The following BIRC6 variants were observed in gnomAD, a reference collection of about 807,000 sequenced individuals.
BIRC6 encodes the protein dual E2 ubiquitin-conjugating enzyme/E3 ubiquitin-protein ligase BIRC6.
A neutral mutation model predicts 503.3 loss-of-function variants in BIRC6; 98 were observed. The ratio of observed to expected loss-of-function variants is 0.19; its 90% CI spans 0.17 to 0.23. BIRC6 has a LOEUF of 0.23. Ranked by LOEUF, BIRC6 falls within the 10% of genes least tolerant of loss-of-function variation. The probability of loss-of-function intolerance (pLI) is 1.00; values close to 1 mark genes in which losing one functional copy is unlikely to be tolerated. For missense variants in BIRC6, 5,360 were observed against 5,806.0 expected, an observed-to-expected ratio of 0.92 and a Z score of 2.50; for synonymous variants, 2,240 against 2,078.7, an observed-to-expected ratio of 1.08 and a Z score of -2.11.
chr2:32,598,726 T>A (rs2061840471), intron 69 of BIRC6, among the ~76,000 whole-genome samples: 1 of 152,126 alleles, frequency 6.6e-6, no homozygotes, highest in Admixed American at 6.6e-5. Flanking sequence ...TTTTATTTGT[T>A]TGCTTGCTTC....
intron 16 of BIRC6, 128 bp from the exon 17 acceptor site, chr2:32,441,201 C>A: frequency 1.4e-6 from 1 of 692,034 alleles, no homozygotes; most frequent in East Asian, 2.8e-5. Flanking sequence ...TACAAGCTAT[C>A]ATTTTAACTT....
rs1300680834 is a variant in BIRC6 at position 32,467,747 on chromosome 2, A to G, written c.5571+8A>G. On this transcript the variant is annotated splice_region_variant and intron_variant, in intron 27 of 73. Coordinates refer to ENST00000421745, the MANE Select transcript of BIRC6 (RefSeq NM_016252.4). ...GTGTGCAGATTCATGAAGGTAAAGAACTTTAAGAAAGTAAATTGATACGCT... is the reference window on the plus strand; with the variant it reads ...GTGTGCAGATTCATGAAGGTAAAGAGCTTTAAGAAAGTAAATTGATACGCT... The G allele has an allele frequency of 1.2e-6, 2 of 1,605,102 alleles. No individual in the cohort carries two copies. Among genetic ancestry groups the G allele is most frequent in the South Asian group, 1.1e-5 (1 of 89,582 alleles).
chr2:32,529,895 A>C, intron 60 of BIRC6, 71 bp downstream of exon 60: 2 of 957,662 alleles, frequency 2.1e-6, no homozygotes, highest in Non-Finnish European at 2.8e-6. Flanking sequence ...ATAGCTAATG[A>C]CTTAATTGAC....
In BIRC6 at chr2:32,464,529, G is replaced by A. The variant is rs1360926319; in HGVS notation, c.4962G>A (p.Lys1654=). 1 of 1,579,526 alleles carries A rather than the reference G, an allele frequency of 6.3e-7. No homozygotes were observed. The highest frequency in any genetic ancestry group is 8.6e-7 in the Non-Finnish European group (1 of 1,161,588). ...TGCAGAAAGCAAAGCTGGAAGCCAA[G>A]TTACATCAGACAACAGCTGCAGCAG... ...LQQQKAKLEA[K]LHQTTAAAAA... is the part of the protein sequence containing the mutation. The change falls in exon 25 of 74, where the codon AAG becomes AAA. Residue 1654 remains lysine, a synonymous_variant. Transcript: ENST00000421745.
intron 33 of BIRC6, among the ~76,000 whole-genome samples, chr2:32,473,735 G>A (rs1303912464): frequency 7.3e-6 from 1 of 137,612 alleles, no homozygotes; most frequent in East Asian, 2.0e-4. Flanking sequence ...GTGTGTGTGT[G>A]TGTGTGTGTG....
Position 32,549,452 on chromosome 2 carries a change from C to A in BIRC6, c.13115C>A (p.Ala4372Asp). The change falls in exon 65 of 74, where the codon GCC (alanine) becomes GAC (aspartate). Residue 4372 changes from alanine to aspartate, a missense_variant. By Grantham distance (126) the Ala-to-Asp change is moderately radical. Coordinates refer to ENST00000421745, the MANE Select transcript of BIRC6 (RefSeq NM_016252.4). ...CTCAGTCAGTCCTGCCTCATCCCAGCCATGTCATCTTATCTACGAAATGAT... is the reference window on the plus strand; with the variant it reads ...CTCAGTCAGTCCTGCCTCATCCCAGACATGTCATCTTATCTACGAAATGAT... ...ELLSQSCLIPAMSSYLRNDSV... is the reference protein window; with the variant it reads ...ELLSQSCLIPDMSSYLRNDSV... The A allele has an allele frequency of 6.9e-7, 1 of 1,458,522 alleles. No individual in the cohort carries two copies. Among genetic ancestry groups the A allele is most frequent in the South Asian group, 1.6e-5 (1 of 63,732 alleles). The allele number at this position is 1,458,522 out of a possible 1,614,324, so 90.3% of individuals were successfully genotyped here. A position where few individuals can be genotyped will look rare whatever the true frequency, so the allele number is the denominator to read the frequency against.
At chr2:32,435,636 C>A (rs906161428) in intron 14 of BIRC6, 51 bp downstream of exon 14, 1 of 1,490,428 alleles carries the variant, frequency 6.7e-7, no homozygotes, top group East Asian at 2.5e-5. Flanking sequence ...GAGTAGTGAT[C>A]TGAATGCAAC....
At chr2:32,539,857 G>A (rs528953522) in intron 61 of BIRC6, among the ~76,000 whole-genome samples, 24 of 151,976 alleles carry the variant, frequency 1.6e-4, no homozygotes, top group African/African-American at 4.6e-4. Context: ...CAAGAAAGTC[G>A]TACATTTTGT....
intron 65 of BIRC6, among the ~76,000 whole-genome samples, chr2:32,568,134 GAGA>G (rs1348496412): frequency 6.6e-6 from 1 of 151,082 alleles, no homozygotes; most frequent in South Asian, 2.1e-4. Context: ...AACAAGAATG[GAGA>G]AGGAGAGAAA....
chr2:32,488,684 A>G lies in BIRC6; in HGVS notation c.8065A>G (p.Asn2689Asp). ...AGCAGACATATTTTTATATAATGCT[A>G]ATAGGATACCTGTTATTTCATTAAA... is the stretch of plus-strand genomic sequence containing the variant. Reference protein sequence around the residue: ...NGADIFLYNANRIPVISLNQA... With the variant: ...NGADIFLYNADRIPVISLNQA... Residue 2689 changes from asparagine (N) to aspartate (D), a missense_variant, in exon 42 of 74, where the codon AAT becomes GAT. By Grantham distance (23) the Asn-to-Asp change is conservative (BLOSUM62 1). Around this residue, in one of 16 missense-constraint regions of BIRC6, gnomAD observed 2,299 missense variants for 2,267.2 expected, o/e 1.01. Coordinates refer to ENST00000421745, the MANE Select transcript of BIRC6 (RefSeq NM_016252.4). 1 of 1,453,706 alleles carries G rather than the reference A, an allele frequency of 6.9e-7. No individual in the cohort carries two copies. Among genetic ancestry groups the G allele is most frequent in the Non-Finnish European group, 9.4e-7 (1 of 1,067,348 alleles). The allele number at this position is 1,453,706 out of a possible 1,614,324, so 90.1% of individuals were successfully genotyped here.
At chr2:32,395,058 A>C (rs2039709561) in intron 5 of BIRC6, among the ~76,000 whole-genome samples, 2 of 152,316 alleles carry the variant, frequency 1.3e-5, no homozygotes, top group South Asian at 4.1e-4. Context: ...AGGCTGAGGC[A>C]GGATAATCGC....
At chr2:32,498,677 T>G (rs1271293942) in intron 45 of BIRC6, among the ~76,000 whole-genome samples, 1 of 152,156 alleles carries the variant, frequency 6.6e-6, no homozygotes, top group Non-Finnish European at 1.5e-5. Flanking sequence ...AACCTCCTCC[T>G]CCTGGGTTCA....
intron 54 of BIRC6, 54 bp from the exon 55 acceptor site, chr2:32,514,936 A>G (rs998453882): frequency 2.2e-6 from 3 of 1,351,962 alleles, no homozygotes; most frequent in Admixed American, 2.0e-5. Flanking sequence ...TATTTGAAAT[A>G]GTTTCTTCTA....
At chr2:32,486,658 T>C (rs183136381) in intron 40 of BIRC6, among the ~76,000 whole-genome samples, 36 of 152,344 alleles carry the variant, frequency 2.4e-4, no homozygotes, top group Admixed American at 8.5e-4. Flanking sequence ...GCTTCTCTTA[T>C]GGAGAGTTCA....
chr2:32,429,040 T>C lies in BIRC6; in HGVS notation c.2873-106T>C. ...AATACATCACATTGGTAGCTTTCCTTATCTGCCTATGAAGTGACATTCAGT... is the reference window on the plus strand; with the variant it reads ...AATACATCACATTGGTAGCTTTCCTCATCTGCCTATGAAGTGACATTCAGT... On this transcript the variant is annotated intron_variant, in intron 10 of 73. Coordinates refer to ENST00000421745, the MANE Select transcript of BIRC6 (RefSeq NM_016252.4). 8.4e-6 allele frequency: 8 copies of C among 955,956 alleles called. No homozygotes were observed. In the South Asian group the frequency reaches 1.4e-4, roughly 17 times the overall value. The allele number at this position is 955,956 out of a possible 1,614,324, so 59.2% of individuals were successfully genotyped here.
chr2:32,487,716 A>C lies in BIRC6; in HGVS notation c.7883A>C (p.Gln2628Pro). 1 of 1,613,696 alleles carries C rather than the reference A, an allele frequency of 6.2e-7. No individual in the cohort carries two copies. Among genetic ancestry groups the C allele is most frequent in the Non-Finnish European group, 8.5e-7 (1 of 1,179,686 alleles). Residue 2628 changes from glutamine to proline, a missense_variant, in exon 41 of 74, where the codon CAG becomes CCG. Physicochemically the swap from Gln to Pro is moderately conservative, Grantham distance 76. Coordinates refer to ENST00000421745, the MANE Select transcript of BIRC6 (RefSeq NM_016252.4). Reference sequence around the variant, plus strand: ...TTACAAGCAGCAAACCAAACCAGCCAGCTTATTATACAGTTATCATCTGTC... The same window carrying C: ...TTACAAGCAGCAAACCAAACCAGCCCGCTTATTATACAGTTATCATCTGTC... ...GGLQAANQTS[Q>P]LIIQLSSVPM...
intron 65 of BIRC6, among the ~76,000 whole-genome samples, chr2:32,572,215 G>A (rs929947070): frequency 6.6e-6 from 1 of 152,196 alleles, no homozygotes; most frequent in Non-Finnish European, 1.5e-5. Flanking sequence ...TGAGTAGACT[G>A]TCCTACGTCT....
At chr2:32,391,336 A>G (rs2039203678) in intron 4 of BIRC6, among the ~76,000 whole-genome samples, 1 of 152,146 alleles carries the variant, frequency 6.6e-6, no homozygotes. Flanking sequence ...AGGTCTGTGG[A>G]AGGTTTGAGT....
chr2:32,536,143 T>G (rs145952536), intron 61 of BIRC6, among the ~76,000 whole-genome samples: 1,815 of 152,344 alleles, frequency 0.012, 29 homozygotes, highest in African/African-American at 0.042. Context: ...GCCCACTTTT[T>G]GATGGGGTTG....
Sources: allele counts gnomAD v4.1 joint callset (sites outside exome capture counted in the v4.1 genomes callset), GRCh38; gene constraint gnomAD v4.1.1; regional missense constraint gnomAD v4.1.1; transcripts MANE v1.5; gene names NCBI Gene and HGNC (gene_info 2026-07-23, HGNC 2026-07-21).